Variants in GRM7 observed in about 807,000 individuals in gnomAD.
The protein encoded by GRM7 is glutamate metabotropic receptor 7, also known as metabotropic glutamate receptor 7.
GRM7 carries 35 observed loss-of-function variants against 84.5 expected under a neutral mutation model. The observed-to-expected ratio is 0.41, with a 90% CI of 0.32 to 0.55. The LOEUF (loss-of-function observed/expected upper bound fraction) is 0.55, where lower values mean the gene tolerates loss of function less well. Among genes scored for constraint, GRM7 ranks in the 20% least tolerant of loss-of-function variants. The pLI is 0.19. For synonymous variants in GRM7, 487 were observed against 455.1 expected (o/e 1.07, Z -0.89); for missense variants, 1,003 against 1,194.6 (o/e 0.84, Z 2.36).
intron 6 of GRM7, among the ~76,000 whole-genome samples, chr3:7,454,088 A>ACT (rs1284686500): frequency 0.013 from 1,491 of 111,586 alleles, 25 homozygotes; most frequent in African/African-American, 0.048. Context: ...AGCTACACAC[A>ACT]CACTCTCTCT....
intron 2 of GRM7, among the ~76,000 whole-genome samples, chr3:7,200,734 G>A (rs1488463748): frequency 6.6e-6 from 1 of 152,106 alleles, no homozygotes; most frequent in Non-Finnish European, 1.5e-5. Flanking sequence ...CACACTTTGT[G>A]GATCACTGCC....
intron 1 of GRM7, among the ~76,000 whole-genome samples, chr3:7,117,551 G>A (rs1027216283): frequency 6.6e-6 from 1 of 152,090 alleles, no homozygotes; most frequent in African/African-American, 2.4e-5. Context: ...CCTGACTCTG[G>A]GGCCCTCCTG....
chr3:7,581,384 T>G (rs1249689721), intron 8 of GRM7, among the ~76,000 whole-genome samples: 2 of 152,182 alleles, frequency 1.3e-5, no homozygotes, highest in East Asian at 3.8e-4. Flanking sequence ...GTATTCTCAA[T>G]AGGTTATGAA....
intron 3 of GRM7, among the ~76,000 whole-genome samples, chr3:7,299,777 T>C (rs955152785): frequency 7.9e-5 from 12 of 152,138 alleles, no homozygotes; most frequent in African/African-American, 2.7e-4. Context: ...GAATTTTATT[T>C]TACATAGGTA....
intron 1 of GRM7, among the ~76,000 whole-genome samples, chr3:7,135,879 G>A (rs1487041632): frequency 2.6e-5 from 4 of 152,024 alleles, no homozygotes; most frequent in Non-Finnish European, 5.9e-5. Flanking sequence ...GCTTGCAGTG[G>A]AGCAGTGGTG....
chr3:6,886,705 T>G (rs978330079), intron 1 of GRM7, among the ~76,000 whole-genome samples: 1 of 151,942 alleles, frequency 6.6e-6, no homozygotes, highest in Non-Finnish European at 1.5e-5. Context: ...ATGGTAAATG[T>G]GATGTTTAGC....
chr3:7,003,510 T>C (rs1695082487), intron 1 of GRM7, among the ~76,000 whole-genome samples: 1 of 152,152 alleles, frequency 6.6e-6, no homozygotes, highest in Non-Finnish European at 1.5e-5. Flanking sequence ...GATTATACCA[T>C]AAAAACTTGA....
At chr3:7,490,810 G>C (rs1699491914) in intron 7 of GRM7, among the ~76,000 whole-genome samples, 1 of 151,968 alleles carries the variant, frequency 6.6e-6, no homozygotes, top group South Asian at 2.1e-4. Flanking sequence ...TGTAAAGTAT[G>C]AACAAGTATT....
At chr3:7,050,319 G>C (rs1465577749) in intron 1 of GRM7, among the ~76,000 whole-genome samples, 3 of 151,782 alleles carry the variant, frequency 2.0e-5, no homozygotes, top group African/African-American at 7.2e-5. Context: ...ACATCCAACT[G>C]TTCAGTGTCA....
At chr3:7,351,702 C>G (rs1289778894) in intron 4 of GRM7, among the ~76,000 whole-genome samples, 1 of 152,056 alleles carries the variant, frequency 6.6e-6, no homozygotes, top group Non-Finnish European at 1.5e-5. Flanking sequence ...CACTACTGCT[C>G]TCTCTTCAGG....
chr3:6,903,249 C>CT (rs1435221432), intron 1 of GRM7, among the ~76,000 whole-genome samples: 3 of 150,722 alleles, frequency 2.0e-5, no homozygotes, highest in African/African-American at 4.9e-5. Flanking sequence ...AGCTTAATTC[C>CT]TTTTTTCTCT....
intron 1 of GRM7, among the ~76,000 whole-genome samples, chr3:7,133,110 G>C (rs1485087471): frequency 1.3e-5 from 2 of 152,130 alleles, no homozygotes; most frequent in Non-Finnish European, 2.9e-5. Flanking sequence ...TGTTGTCATT[G>C]TGCATTCTAC....
chr3:7,224,841 G>A (rs376266556), intron 2 of GRM7, among the ~76,000 whole-genome samples: 17 of 152,186 alleles, frequency 1.1e-4, no homozygotes, highest in East Asian at 3.9e-4. Context: ...AGTTGAATGC[G>A]TGCACCTAAG....
intron 4 of GRM7, among the ~76,000 whole-genome samples, chr3:7,348,926 A>G (rs1693011671): frequency 6.6e-6 from 1 of 152,130 alleles, no homozygotes; most frequent in African/African-American, 2.4e-5. Flanking sequence ...TTAAGCATTG[A>G]TCAAGAGGGA....
chr3:7,291,930 T>C (rs189309601), intron 2 of GRM7, among the ~76,000 whole-genome samples: 67 of 152,270 alleles, frequency 4.4e-4, no homozygotes, highest in African/African-American at 1.6e-3. Flanking sequence ...CTCATGGTGG[T>C]GAATAAGTCT....
intron 7 of GRM7, among the ~76,000 whole-genome samples, chr3:7,487,467 G>T (rs1470715535): frequency 6.6e-6 from 1 of 152,126 alleles, no homozygotes; most frequent in African/African-American, 2.4e-5. Context: ...AATGGTTTCA[G>T]GGGACAGGTT....
chr3:7,311,428 G>A (rs1222323259), intron 4 of GRM7, among the ~76,000 whole-genome samples: 3 of 150,526 alleles, frequency 2.0e-5, no homozygotes, highest in Middle Eastern at 3.4e-3. Flanking sequence ...GATAGGCTAA[G>A]CTACATAGTG....
chr3:7,529,738 C>G (rs554252030), intron 7 of GRM7, among the ~76,000 whole-genome samples: 1 of 151,986 alleles, frequency 6.6e-6, no homozygotes, highest in South Asian at 2.1e-4. Context: ...TCCTCAATGT[C>G]TAATCAAACC....
chr3:6,898,758 G>T (rs960824576), intron 1 of GRM7, among the ~76,000 whole-genome samples: 1 of 151,412 alleles, frequency 6.6e-6, no homozygotes, highest in Non-Finnish European at 1.5e-5. Flanking sequence ...AAGATCACTT[G>T]AGCCCAGGAG....
Sources: gnomAD v4.1 joint callset for allele counts (sites outside exome capture counted in the v4.1 genomes callset) on GRCh38, gnomAD v4.1.1 for gene constraint, MANE v1.5 for transcripts, NCBI Gene and HGNC (gene_info 2026-07-23, HGNC 2026-07-21) for gene names.